Variants in B3GAT2 observed in about 807,000 individuals in gnomAD.
B3GAT2 encodes the protein galactosylgalactosylxylosylprotein 3-beta-glucuronosyltransferase 2.
Under a neutral mutation model 27.8 loss-of-function variants are expected in B3GAT2, and 26 were observed. The observed-to-expected ratio is 0.93, with a 90% CI of 0.68 to 1.30. B3GAT2 has a LOEUF of 1.30. B3GAT2 is among the 50% of genes most tolerant of loss of function. B3GAT2 has a pLI of 0.00. For synonymous variants in B3GAT2, 218 were observed against 195.1 expected (o/e 1.12, Z -0.98); for missense variants, 458 against 459.0 (o/e 1.00, Z 0.02).
chr6:70,872,334 T>C (rs1238589649), intron 2 of B3GAT2, among the ~76,000 whole-genome samples: 1 of 151,938 alleles, frequency 6.6e-6, no homozygotes, highest in African/African-American at 2.4e-5. Context: ...TCCTTCAGTT[T>C]TGTCATTTTT....
chr6:70,900,503 C>T (rs529213321), intron 1 of B3GAT2, among the ~76,000 whole-genome samples: 5 of 152,254 alleles, frequency 3.3e-5, no homozygotes, highest in African/African-American at 9.6e-5. Flanking sequence ...ATCCTCCCAC[C>T]TCAGCCTTCT....
intron 2 of B3GAT2, among the ~76,000 whole-genome samples, chr6:70,867,952 T>C (rs1771877992): frequency 6.6e-6 from 1 of 152,038 alleles, no homozygotes; most frequent in African/African-American, 2.4e-5. Context: ...CAATAAATCA[T>C]GACCACTTGA....
At chr6:70,926,628 A>C (rs987611768) in intron 1 of B3GAT2, among the ~76,000 whole-genome samples, 1 of 152,220 alleles carries the variant, frequency 6.6e-6, no homozygotes, top group Non-Finnish European at 1.5e-5. Flanking sequence ...TTTAGAGACA[A>C]AAGAGTAAAA....
At chr6:70,930,637 T>C (rs1311092406) in intron 1 of B3GAT2, among the ~76,000 whole-genome samples, 2 of 152,124 alleles carry the variant, frequency 1.3e-5, no homozygotes, top group East Asian at 3.8e-4. Context: ...CACAATGAGA[T>C]ACCATCTCAC....
Position 70,929,997 on chromosome 6 carries a change from T to C in B3GAT2, c.591+25842A>G, listed in dbSNP as rs137861394. On this transcript the variant is annotated intron_variant, in intron 1 of 3. Coordinates refer to ENST00000230053, the MANE Select transcript of B3GAT2 (RefSeq NM_080742.3). ...TGGTACTGATACTAAAACAGAGATATAGACCAATGGCACAGAACAGAGCCC... is the reference window on the plus strand; with the variant it reads ...TGGTACTGATACTAAAACAGAGATACAGACCAATGGCACAGAACAGAGCCC... 3.3e-3 allele frequency among the ~76,000 whole-genome samples: 497 copies of C among 152,218 alleles called. 4 individuals are homozygous for C. The highest frequency in any genetic ancestry group is 0.012 in the African/African-American group (480 of 41,536).
At chr6:70,916,259 A>T (rs551891652) in intron 1 of B3GAT2, among the ~76,000 whole-genome samples, 1 of 152,224 alleles carries the variant, frequency 6.6e-6, no homozygotes, top group South Asian at 2.1e-4. Context: ...TTGTATCCTG[A>T]TACTTTGCTG....
chr6:70,864,645 A>T (rs1771820220), intron 2 of B3GAT2, among the ~76,000 whole-genome samples: 1 of 152,190 alleles, frequency 6.6e-6, no homozygotes, highest in African/African-American at 2.4e-5. Context: ...CACAGCTGGC[A>T]GGAGAGACTG....
At chr6:70,870,358 A>AG (rs1771913915) in intron 2 of B3GAT2, among the ~76,000 whole-genome samples, 1 of 131,920 alleles carries the variant, frequency 7.6e-6, no homozygotes, top group Admixed American at 8.8e-5. Context: ...ACATGGACAC[A>AG]GGAAGGGGAA....
At chr6:70,939,814 C>T (rs1311313118) in intron 1 of B3GAT2, among the ~76,000 whole-genome samples, 4 of 151,850 alleles carry the variant, frequency 2.6e-5, no homozygotes, top group Non-Finnish European at 5.9e-5. Flanking sequence ...TTAATGGGTG[C>T]AGCACACCAG....
At chr6:70,881,788 G>A (rs1467957181) in intron 2 of B3GAT2, among the ~76,000 whole-genome samples, 1 of 152,164 alleles carries the variant, frequency 6.6e-6, no homozygotes, top group Non-Finnish European at 1.5e-5. Flanking sequence ...GAGAATAGGG[G>A]TGTCCAGGGG....
intron 2 of B3GAT2, among the ~76,000 whole-genome samples, chr6:70,874,470 G>T (rs1037601799): frequency 6.6e-6 from 1 of 152,130 alleles, no homozygotes; most frequent in African/African-American, 2.4e-5. Flanking sequence ...GATTGCACAG[G>T]GGCTCACAGT....
At chr6:70,893,780 G>A (rs968532925) in intron 2 of B3GAT2, among the ~76,000 whole-genome samples, 1 of 151,940 alleles carries the variant, frequency 6.6e-6, no homozygotes, top group African/African-American at 2.4e-5. Flanking sequence ...GAGTCAAAAG[G>A]TTCCAGCTAA....
chr6:70,908,543 T>C (rs909240316), intron 1 of B3GAT2, among the ~76,000 whole-genome samples: 3 of 152,162 alleles, frequency 2.0e-5, no homozygotes, highest in Non-Finnish European at 2.9e-5. Context: ...TACATAGCAA[T>C]ATAAATAAAC....
chr6:70,891,651 T>A (rs981478503), intron 2 of B3GAT2, among the ~76,000 whole-genome samples: 35 of 152,194 alleles, frequency 2.3e-4, no homozygotes, highest in African/African-American at 8.4e-4. Flanking sequence ...GGGCTCTTAA[T>A]CCGCTTTGCA....
intron 1 of B3GAT2, among the ~76,000 whole-genome samples, chr6:70,931,471 T>C (rs1360937962): frequency 3.3e-5 from 5 of 152,158 alleles, no homozygotes; most frequent in Non-Finnish European, 7.3e-5. Context: ...ATTCCCATCT[T>C]GATAAACCAG....
intron 1 of B3GAT2, among the ~76,000 whole-genome samples, chr6:70,943,100 C>T (rs1001766794): frequency 3.9e-5 from 6 of 152,146 alleles, no homozygotes; most frequent in Non-Finnish European, 7.4e-5. Context: ...GAAAAAGACC[C>T]AATCTGACTT....
In B3GAT2 at chr6:70,956,108, C is replaced by A; in HGVS notation, c.322G>T (p.Val108Leu). The change falls in exon 1 of 4, where the codon GTG becomes TTG. Residue 108 changes from valine to leucine, a missense_variant. Physicochemically the swap from Val to Leu is conservative, Grantham distance 32. Transcript: ENST00000230053. Reference sequence around the variant, plus strand: ...ACCAGGATCCAGTGCAGCTGCGCCACCTGGCGGAACGTGTTGGCCAGGCGG... The same window carrying A: ...ACCAGGATCCAGTGCAGCTGCGCCAACTGGCGGAACGTGTTGGCCAGGCGG... ...LTRLANTFRQ[V>L]AQLHWILVED... 1.2e-6 allele frequency: 2 copies of A among 1,601,094 alleles called. No individual in the cohort carries two copies. The highest frequency in any genetic ancestry group is 1.3e-5 in the African/African-American group (1 of 74,196).
At chr6:70,923,862 G>GT (rs1222553378) in intron 1 of B3GAT2, among the ~76,000 whole-genome samples, 2 of 152,096 alleles carry the variant, frequency 1.3e-5, no homozygotes, top group East Asian at 3.8e-4. Context: ...TTTCTATGCT[G>GT]TATCATATTT....
chr6:70,870,276 C>T (rs1582340879), intron 2 of B3GAT2, among the ~76,000 whole-genome samples: 1 of 150,704 alleles, frequency 6.6e-6, no homozygotes, highest in East Asian at 2.0e-4. Flanking sequence ...TCATTCTCAG[C>T]AAACTATCGC....
Sources: allele counts gnomAD v4.1 joint callset (sites outside exome capture counted in the v4.1 genomes callset), GRCh38; gene constraint gnomAD v4.1.1; transcripts MANE v1.5; gene names NCBI Gene and HGNC (gene_info 2026-07-23, HGNC 2026-07-21).